Variants in MUC12 observed in about 807,000 individuals in gnomAD.
The protein encoded by MUC12 is mucin 12, cell surface associated, also known as mucin-12.
A neutral mutation model predicts 230.8 loss-of-function variants in MUC12; 172 were observed. The ratio of observed to expected loss-of-function variants is 0.75; its 90% CI spans 0.66 to 0.85. The LOEUF (loss-of-function observed/expected upper bound fraction) is 0.85, where lower values mean the gene tolerates loss of function less well. Ranked by LOEUF, MUC12 falls within the 40% of genes least tolerant of loss-of-function variation. MUC12 has a pLI of 0.00. For synonymous variants in MUC12, 1,259 were observed against 2,401.9 expected, an observed-to-expected ratio of 0.52 and a Z score of 13.91; for missense variants, 3,506 against 5,920.6, an observed-to-expected ratio of 0.59 and a Z score of 13.38.
chr7:100,973,986 C>G (rs1792967813), intron 1 of MUC12, among the ~76,000 whole-genome samples: 1 of 151,524 alleles, frequency 6.6e-6, no homozygotes, highest in Non-Finnish European at 1.5e-5. Flanking sequence ...GACCCCATCT[C>G]TTAAAAAAAA....
Position 100,992,781 on chromosome 7 carries a change from A to G in MUC12, c.2218A>G (p.Thr740Ala), listed in dbSNP as rs1584832759. The change falls in exon 2 of 12, where the codon ACC becomes GCC. Residue 740 changes from threonine (T) to alanine (A), a missense_variant. Physicochemically the swap from Thr to Ala is moderately conservative, Grantham distance 58. Coordinates refer to ENST00000536621, the MANE Select transcript of MUC12 (RefSeq NM_001164462.2). ...STTSALVEEP[T>A]SYHSSPGSTA... ...CACATCTGCCCTTGTTGAAGAACCT[A>G]CCAGCTACCACAGCAGCCCGGGCTC... 6.5e-7 allele frequency: 1 copy of G among 1,537,332 alleles called. No individual in the cohort carries two copies. The highest frequency in any genetic ancestry group is 8.7e-7 in the Non-Finnish European group (1 of 1,146,972).
chr7:100,980,711 G>T (rs757883792), intron 1 of MUC12, among the ~76,000 whole-genome samples: 1 of 152,086 alleles, frequency 6.6e-6, no homozygotes, highest in African/African-American at 2.4e-5. Context: ...ATCACTGGAG[G>T]TTGGGAGTTG....
At position 100,995,886 on chromosome 7, in the gene MUC12, A is replaced by C. The variant is rs1258857973; in HGVS notation, c.5323A>C (p.Ser1775Arg). 7.0e-7 allele frequency: 1 copy of C among 1,423,432 alleles called. No homozygotes were observed. The highest frequency in any genetic ancestry group is 9.4e-7 in the Non-Finnish European group (1 of 1,062,666). 88.2% of individuals were successfully genotyped at this position (1,423,432 alleles called of 1,614,324 possible). A position where few individuals can be genotyped will look rare whatever the true frequency, so the allele number is the denominator to read the frequency against. Residue 1775 changes from serine (S) to arginine (R), a missense_variant, in exon 2 of 12, where the codon AGC becomes CGC. Ser to Arg is a moderately radical substitution (Grantham distance 110). Transcript: ENST00000536621. The part of the protein sequence containing the change: ...LVEESTAYHS[S>R]PGSTQTMHFP... ...TGAAGAATCTACGGCGTACCACAGC[A>C]GCCCGGGCTCAACTCAAACAATGCA...
chr7:100,979,708 A>G (rs1444150583), intron 1 of MUC12, among the ~76,000 whole-genome samples: 2 of 152,008 alleles, frequency 1.3e-5, no homozygotes, highest in African/African-American at 4.8e-5. Context: ...CCTGGGAGAC[A>G]GAGGTTGCAG....
intron 3 of MUC12, among the ~76,000 whole-genome samples, chr7:101,008,412 T>C (rs1050676260): frequency 6.6e-6 from 1 of 152,114 alleles, no homozygotes; most frequent in African/African-American, 2.4e-5. Context: ...CTCTTTCCAT[T>C]AGCTCACCTG....
intron 3 of MUC12, among the ~76,000 whole-genome samples, chr7:101,006,895 C>A (rs965688352): frequency 6.6e-6 from 1 of 152,106 alleles, no homozygotes; most frequent in Admixed American, 6.5e-5. Flanking sequence ...GAATGGGGTA[C>A]ACATTCCCTC....
chr7:101,017,445 T>C, intron 10 of MUC12, 130 bp from the exon 11 acceptor site: 4 of 623,378 alleles, frequency 6.4e-6, no homozygotes, highest in Non-Finnish European at 1.1e-5. Flanking sequence ...GTCGGAGGGG[T>C]GGTCGGCAGT....
intron 11 of MUC12, 56 bp from the exon 12 acceptor site, chr7:101,018,539 G>T: frequency 6.6e-7 from 1 of 1,523,754 alleles, no homozygotes; most frequent in East Asian, 2.5e-5. Context: ...TCCTCCTGGG[G>T]CTCCCCCTTT....
intron 1 of MUC12, among the ~76,000 whole-genome samples, chr7:100,983,671 A>G (rs1793143493): frequency 6.6e-6 from 1 of 152,136 alleles, no homozygotes; most frequent in African/African-American, 2.4e-5. Context: ...AGTTCCAGTT[A>G]ATGTGTCCTG....
intron 1 of MUC12, among the ~76,000 whole-genome samples, chr7:100,980,784 T>C (rs1316283236): frequency 6.6e-6 from 1 of 151,860 alleles, no homozygotes; most frequent in Non-Finnish European, 1.5e-5. Flanking sequence ...TAGCTGAGTA[T>C]GGTGGGGCCT....
At chr7:100,986,046 C>T (rs1451521954) in intron 1 of MUC12, among the ~76,000 whole-genome samples, 1 of 152,098 alleles carries the variant, frequency 6.6e-6, no homozygotes, top group Non-Finnish European at 1.5e-5. Flanking sequence ...TTGGGCAAAA[C>T]CACAAAAGTC....
intron 1 of MUC12, among the ~76,000 whole-genome samples, chr7:100,980,362 C>T (rs1040189247): frequency 6.6e-6 from 1 of 152,060 alleles, no homozygotes; most frequent in Non-Finnish European, 1.5e-5. Flanking sequence ...CCCCCTTAAC[C>T]TTAACATTCA....
Position 100,993,963 on chromosome 7 carries a change from A to T in MUC12, c.3400A>T (p.Ser1134Cys). 7.2e-7 allele frequency: 1 copy of T among 1,388,516 alleles called. No individual in the cohort carries two copies. The highest frequency in any genetic ancestry group is 1.8e-5 in the African/African-American group (1 of 55,888). The allele number at this position is 1,388,516 out of a possible 1,614,324, so 86.0% of individuals were successfully genotyped here. A position where few individuals can be genotyped will look rare whatever the true frequency, so the allele number is the denominator to read the frequency against. ...GVGEESTTSR[S>C]QPGSTHSTVS... ...CGGTGAAGAATCCACCACCTCCCGT[A>T]GCCAACCAGGTTCTACTCACTCAAC... is the stretch of plus-strand genomic sequence containing the variant. The change falls in exon 2 of 12, where the codon AGC (serine) becomes TGC (cysteine). Residue 1134 changes from serine to cysteine, a missense_variant. Ser to Cys is a moderately radical substitution (Grantham distance 112). Transcript: ENST00000536621.
intron 1 of MUC12, among the ~76,000 whole-genome samples, chr7:100,987,592 T>C (rs907243257): frequency 6.6e-6 from 1 of 152,204 alleles, no homozygotes; most frequent in Non-Finnish European, 1.5e-5. Context: ...GTTTGGATAA[T>C]GGGGGCAGAT....
chr7:101,005,257 C>T lies in MUC12; in HGVS notation c.14694C>T (p.Thr4898=), dbSNP rs568399105. ...THTVLPATLT[T]TDIGQESTAF... ...CAGTGTTACCTGCCACCCTCACAAC[C>T]ACAGACATTGGTCAGGAATCAACAG... The change falls in exon 2 of 12, where the codon ACC becomes ACT. Residue 4898 remains threonine (T), a synonymous_variant. Coordinates refer to ENST00000536621, the MANE Select transcript of MUC12 (RefSeq NM_001164462.2). 6.5e-7 allele frequency: 1 copy of T among 1,537,772 alleles called. No homozygotes were observed. Among genetic ancestry groups the T allele is most frequent in the African/African-American group, 1.4e-5 (1 of 73,050 alleles).
At chr7:101,016,020 A>AG (rs1238551998) in intron 10 of MUC12, among the ~76,000 whole-genome samples, 2 of 152,142 alleles carry the variant, frequency 1.3e-5, no homozygotes, top group Non-Finnish European at 2.9e-5. Flanking sequence ...GGGTGGGGAT[A>AG]GGGGGTCAGA....
chr7:100,989,000 T>C (rs921992075), intron 1 of MUC12, among the ~76,000 whole-genome samples: 2 of 152,220 alleles, frequency 1.3e-5, no homozygotes. Context: ...CCTTCCACCA[T>C]GATTGTGAGG....
intron 1 of MUC12, among the ~76,000 whole-genome samples, chr7:100,978,970 C>T (rs1793067979): frequency 6.6e-6 from 1 of 152,070 alleles, no homozygotes; most frequent in Admixed American, 6.6e-5. Context: ...CCACCATGCC[C>T]AGCTAATTTT....
intron 2 of MUC12, 150 bp downstream of exon 2, chr7:101,005,669 A>G (rs1793735873): frequency 6.1e-6 from 6 of 987,488 alleles, no homozygotes; most frequent in Non-Finnish European, 8.7e-6. Flanking sequence ...GTTCGATACC[A>G]CTTCCAGTGT....
Sources: gnomAD v4.1 joint callset for allele counts (sites outside exome capture counted in the v4.1 genomes callset) on GRCh38, gnomAD v4.1.1 for gene constraint, MANE v1.5 for transcripts, NCBI Gene and HGNC (gene_info 2026-07-23, HGNC 2026-07-21) for gene names.